Variants in RFX1 observed in about 807,000 individuals in gnomAD.
RFX1 encodes MHC class II regulatory factor RFX1.
In RFX1, 42 loss-of-function variants were observed where a neutral mutation model predicts 119.6. The ratio of observed to expected loss-of-function variants is 0.35; its 90% CI spans 0.27 to 0.45. The LOEUF is 0.45. Ranked by LOEUF, RFX1 falls within the 20% of genes least tolerant of loss-of-function variation. The pLI, the probability that RFX1 is intolerant of heterozygous loss-of-function variation, is 1.00. For synonymous variants in RFX1, 628 were observed against 618.5 expected (o/e 1.02, Z -0.23); for missense variants, 1,118 against 1,368.1 (o/e 0.82, Z 2.88).
Position 13,968,713 on chromosome 19 carries a change from G to C in RFX1, c.1617-33C>G. ...AGAATGGGCAGGTGGGCCGGCTGCT[G>C]GGGGCCGGCCTGTGTGCCCTTCCCC... On this transcript the variant is annotated intron_variant, in intron 11 of 20. Transcript: ENST00000254325. This position sits in a 1 kb window ranked among gnomAD's most constrained non-coding sequence, Gnocchi z 5.5. The C allele has an allele frequency of 1.2e-6, 2 of 1,610,184 alleles. No individual in the cohort carries two copies. The highest frequency in any genetic ancestry group is 1.7e-6 in the Non-Finnish European group (2 of 1,178,564).
Position 13,964,067 on chromosome 19 carries a change from C to A in RFX1, c.2212-60G>T, listed in dbSNP as rs1478844093. On this transcript the variant is annotated intron_variant, in intron 16 of 20. Coordinates refer to ENST00000254325, the MANE Select transcript of RFX1 (RefSeq NM_002918.5). ...AGGAACCCCAGCCCGCCAGCCCTGG[C>A]CCCACCCCGCTGCAACCTCCCTAAG... is the stretch of plus-strand genomic sequence containing the variant. The A allele has an allele frequency of 5.4e-6, 8 of 1,482,332 alleles. No homozygotes were observed. In the African/African-American group the frequency reaches 9.9e-5, roughly 18 times the overall value. The allele number at this position is 1,482,332 out of a possible 1,614,324, so 91.8% of individuals were successfully genotyped here. A position where few individuals can be genotyped will look rare whatever the true frequency, so the allele number is the denominator to read the frequency against.
At position 13,986,635 on chromosome 19, in the gene RFX1, A is replaced by G. The variant is rs1057284609; in HGVS notation, c.320-3040T>C. Among the ~76,000 whole-genome samples, 2 of 152,274 alleles carry G rather than the reference A, an allele frequency of 1.3e-5. No individual in the cohort carries two copies. Among genetic ancestry groups the G allele is most frequent in the Admixed American group, 6.5e-5 (1 of 15,302 alleles). Reference sequence around the variant, plus strand: ...TCTGCCGGAGATCGCCACTCTGGGCATGCGCAGGAGGCCAGGGAGGCCCCC... The same window carrying G: ...TCTGCCGGAGATCGCCACTCTGGGCGTGCGCAGGAGGCCAGGGAGGCCCCC... On this transcript the variant is annotated intron_variant, in intron 2 of 20. Transcript: ENST00000254325. This position sits in a 1 kb window ranked among gnomAD's most constrained non-coding sequence, Gnocchi z 4.2.
rs759764744 is a variant in RFX1, at chr19:13,973,027, G to A, written c.1030C>T (p.Pro344Ser). The A allele has an allele frequency of 1.9e-6, 3 of 1,601,536 alleles. No homozygotes were observed. The East Asian group carries it at 6.7e-5, about 36-fold the overall frequency. The change falls in exon 9 of 21, where the codon CCC becomes TCC. Residue 344 changes from proline to serine, a missense_variant. Coordinates refer to ENST00000254325, the MANE Select transcript of RFX1 (RefSeq NM_002918.5). ...CTGGCCACCGCCTGGGAGGTGGCGG[G>A]GGTGCTGACCTGGGTGGCCGTGCCT... ...AAGTATQVST[P>S]ATSQAVASSG...
At chr19:13,975,362 A>AG (rs1464479313) in intron 8 of RFX1, among the ~76,000 whole-genome samples, 1 of 129,406 alleles carries the variant, frequency 7.7e-6, no homozygotes, top group African/African-American at 3.1e-5. Flanking sequence ...ACTCTATCTC[A>AG]AAAAAAAAAA....
Position 13,966,646 on chromosome 19 carries a change from C to T in RFX1, c.1838G>A (p.Arg613Gln), listed in dbSNP as rs769159405. 1.2e-6 allele frequency: 2 copies of T among 1,602,150 alleles called. No individual in the cohort carries two copies. Among genetic ancestry groups the T allele is most frequent in the Non-Finnish European group, 1.7e-6 (2 of 1,173,082 alleles). ...GDIKAFQVLY[R>Q]EHCEAIVDVM... ...TGGCCACCCTACCTCACAGTGTTCC[C>T]GGTACAGGACCTGGAAGGCTTTGAT... The change falls in exon 13 of 21, where the codon CGG (arginine) becomes CAG (glutamine). Residue 613 changes from arginine to glutamine, a missense_variant. This residue lies in a region of RFX1 where 338 missense variants were observed against 508.9 expected (regional missense o/e 0.66). Coordinates refer to ENST00000254325, the MANE Select transcript of RFX1 (RefSeq NM_002918.5). The surrounding 1 kb of genome is among the most constrained non-coding windows in gnomAD (Gnocchi z 6.3).
In RFX1 at chr19:13,966,651, C is replaced by T. The variant is rs2145540625; in HGVS notation, c.1833G>A (p.Leu611=). The T allele has an allele frequency of 6.2e-7, 1 of 1,607,240 alleles. No homozygotes were observed. The highest frequency in any genetic ancestry group is 8.5e-7 in the Non-Finnish European group (1 of 1,176,452). ...GPGDIKAFQV[L]YREHCEAIVD... Reference sequence around the variant, plus strand: ...ACCCTACCTCACAGTGTTCCCGGTACAGGACCTGGAAGGCTTTGATGTCCC... The same window carrying T: ...ACCCTACCTCACAGTGTTCCCGGTATAGGACCTGGAAGGCTTTGATGTCCC... Residue 611 remains leucine, a synonymous_variant, in exon 13 of 21, where the codon CTG becomes CTA. Transcript: ENST00000254325. The surrounding 1 kb of genome is among the most constrained non-coding windows in gnomAD (Gnocchi z 6.3).
rs1974500266 is a variant in RFX1, at chr19:13,983,532, G to A, written c.383C>T (p.Thr128Ile). The A allele has an allele frequency of 1.2e-6, 2 of 1,611,836 alleles. No individual in the cohort carries two copies. Among genetic ancestry groups the A allele is most frequent in the South Asian group, 1.1e-5 (1 of 90,940 alleles). ...EASPGSTASQTGVPTQVVQQV... is the reference protein window; with the variant it reads ...EASPGSTASQIGVPTQVVQQV... ...CTGAACCACCTGAGTAGGAACGCCGGTCTGGCTGGCGGTGGAGCCGGGGCT... is the reference window on the plus strand; with the variant it reads ...CTGAACCACCTGAGTAGGAACGCCGATCTGGCTGGCGGTGGAGCCGGGGCT... The change falls in exon 3 of 21, where the codon ACC (threonine) becomes ATC (isoleucine). Residue 128 changes from threonine (T) to isoleucine (I), a missense_variant. Coordinates refer to ENST00000254325, the MANE Select transcript of RFX1 (RefSeq NM_002918.5).
At chr19:13,976,444 G>A (rs78108619) in intron 8 of RFX1, among the ~76,000 whole-genome samples, 2,050 of 152,330 alleles carry the variant, frequency 0.013, 45 homozygotes, top group African/African-American at 0.046. Flanking sequence ...CGAGGAGCCC[G>A]AGCCGGGACT....
At chr19:13,992,598 C>A (rs903594800) in intron 2 of RFX1, among the ~76,000 whole-genome samples, 2 of 152,204 alleles carry the variant, frequency 1.3e-5, no homozygotes, top group Non-Finnish European at 2.9e-5. Context: ...GGCCCTCACC[C>A]CCAGCTGACC....
intron 2 of RFX1, among the ~76,000 whole-genome samples, chr19:13,989,008 G>A (rs1471890978): frequency 2.0e-5 from 3 of 152,174 alleles, no homozygotes; most frequent in Non-Finnish European, 4.4e-5. Context: ...GTGACACAGC[G>A]AGACTTTGTC....
chr19:13,999,180 A>G (rs1480147820), intron 1 of RFX1, among the ~76,000 whole-genome samples: 1 of 152,206 alleles, frequency 6.6e-6, no homozygotes, highest in Non-Finnish European at 1.5e-5. Context: ...AGCATGAGGT[A>G]TTGCCCATAT....
rs565552904 is a variant in RFX1 at position 13,986,348 on chromosome 19, G to A, written c.320-2753C>T. 1.6e-4 allele frequency among the ~76,000 whole-genome samples: 24 copies of A among 152,278 alleles called. No homozygotes were observed. The highest frequency in any genetic ancestry group is 4.1e-4 in the South Asian group (2 of 4,832). On this transcript the variant is annotated intron_variant, in intron 2 of 20. Coordinates refer to ENST00000254325, the MANE Select transcript of RFX1 (RefSeq NM_002918.5). This position sits in a 1 kb window ranked among gnomAD's most constrained non-coding sequence, Gnocchi z 4.2. ...CTGTCTCCAGGAAGCAGCCTTGCCCGTCTCCTGCCTCTGGGGTAGCCCTCA... is the reference window on the plus strand; with the variant it reads ...CTGTCTCCAGGAAGCAGCCTTGCCCATCTCCTGCCTCTGGGGTAGCCCTCA...
chr19:13,994,936 AT>A (rs1404261584), intron 1 of RFX1, among the ~76,000 whole-genome samples: 14 of 113,614 alleles, frequency 1.2e-4, no homozygotes, highest in East Asian at 5.2e-4. Flanking sequence ...ATATATATAT[AT>A]AATCATTTTT....
rs61288850 is a variant in RFX1 at position 13,992,511 on chromosome 19, T to G, written c.319+1014A>C. Among the ~76,000 whole-genome samples the G allele has an allele frequency of 4.4e-3, 664 of 151,804 alleles. 8 individuals carry two copies. The highest frequency in any genetic ancestry group is 0.015 in the African/African-American group (622 of 41,400). On this transcript the variant is annotated intron_variant, in intron 2 of 20. Coordinates refer to ENST00000254325, the MANE Select transcript of RFX1 (RefSeq NM_002918.5). ...ATGTCATGAGAAAGAAAAGCAAAAA[T>G]AAAGAAAAGGGCCAGTCCCTGGATC...
chr19:13,982,893 C>A, intron 4 of RFX1: 1 of 457,698 alleles, frequency 2.2e-6, no homozygotes, highest in Non-Finnish European at 3.9e-6. Flanking sequence ...TGACTCTAAA[C>A]CTGGCCTTGG....
chr19:14,005,791 C>A (rs558615729), intron 1 of RFX1, among the ~76,000 whole-genome samples: 8 of 151,774 alleles, frequency 5.3e-5, no homozygotes, highest in Non-Finnish European at 1.2e-4. Context: ...TCCCTCGCTC[C>A]CATTGGCCCA....
intron 2 of RFX1, among the ~76,000 whole-genome samples, chr19:13,989,759 G>T (rs1381142462): frequency 6.6e-6 from 1 of 152,148 alleles, no homozygotes; most frequent in South Asian, 2.1e-4. Flanking sequence ...GATGTGACGG[G>T]ACCTAATGGA....
rs1974499066 is a variant in RFX1 at position 13,983,513 on chromosome 19, C to T, written c.402G>A (p.Val134=). The T allele has an allele frequency of 1.9e-6, 3 of 1,611,452 alleles. No individual in the cohort carries two copies. Among genetic ancestry groups the T allele is most frequent in the Non-Finnish European group, 2.5e-6 (3 of 1,179,560 alleles). The change falls in exon 3 of 21, where the codon GTG becomes GTA. Residue 134 remains valine (V), a synonymous_variant. Coordinates refer to ENST00000254325, the MANE Select transcript of RFX1 (RefSeq NM_002918.5). ...GCTGGGTGCCCTGCACCTGCTGAAC[C>T]ACCTGAGTAGGAACGCCGGTCTGGC... ...TASQTGVPTQ[V]VQQVQGTQQR...
intron 2 of RFX1, among the ~76,000 whole-genome samples, chr19:13,988,010 C>G (rs943685054): frequency 2.7e-5 from 4 of 150,338 alleles, no homozygotes; most frequent in Non-Finnish European, 4.4e-5. Flanking sequence ...TTGACTTGCT[C>G]TTGACTTCTT....
Sources: allele counts gnomAD v4.1 joint callset (sites outside exome capture counted in the v4.1 genomes callset), GRCh38; gene constraint gnomAD v4.1.1; regional missense constraint gnomAD v4.1.1; non-coding constraint Gnocchi (gnomAD v3.1); transcripts MANE v1.5; gene names NCBI Gene and HGNC (gene_info 2026-07-23, HGNC 2026-07-21).